The following ZNF768 variants were observed in gnomAD, a reference collection of about 807,000 sequenced individuals.
ZNF768 encodes zinc finger protein 768.
ZNF768 carries 12 observed loss-of-function variants against 39.7 expected under a neutral mutation model. The ratio of observed to expected loss-of-function variants is 0.30; its 90% CI spans 0.19 to 0.49. The LOEUF (loss-of-function observed/expected upper bound fraction) is 0.49. Ranked by LOEUF, ZNF768 falls within the 20% of genes least tolerant of loss-of-function variation. The pLI, the probability that ZNF768 is intolerant of heterozygous loss-of-function variation, is 0.99. For missense variants in ZNF768, 613 were observed against 723.2 expected (o/e 0.85, Z 1.75); for synonymous variants, 360 against 288.4 (o/e 1.25, Z -2.52).
Position 30,525,853 on chromosome 16 carries a change from G to GGGGGCACAAGCCCAGGGCTTC in ZNF768, c.266_286dup (p.Arg89_Pro95dup), listed in dbSNP as rs762163621. ...GCTTCTGGGTGCAAACTCAGGGCTT[G>GGGGGCACAAGCCCAGGGCTTC]GGGGCACAAGCCCAGGGCTTCGGGA... On this transcript the variant is annotated inframe_insertion, in exon 2 of 2. Transcript: ENST00000380412. 6.6e-7 allele frequency: 1 copy of GGGGGCACAAGCCCAGGGCTTC among 1,525,646 alleles called. No individual in the cohort carries two copies. The highest frequency in any genetic ancestry group is 8.8e-7 in the Non-Finnish European group (1 of 1,141,356). 94.5% of individuals were successfully genotyped at this position (1,525,646 alleles called of 1,614,324 possible).
At position 30,525,482 on chromosome 16, in the gene ZNF768, T is replaced by C. The variant is rs746966256; in HGVS notation, c.658A>G (p.Thr220Ala). 2 of 1,614,130 alleles carry C rather than the reference T, an allele frequency of 1.2e-6. No homozygotes were observed. The highest frequency in any genetic ancestry group is 1.7e-6 in the Non-Finnish European group (2 of 1,180,018). Residue 220 changes from threonine to alanine, a missense_variant, in exon 2 of 2, where the codon ACA becomes GCA. Transcript: ENST00000380412. ...LPIGPPFEMP[T>A]GALLSTPQFE... is the part of the protein sequence containing the mutation. The stretch of plus-strand genomic sequence containing the variant: ...TGCGGTGTAGACAGCAGGGCCCCTG[T>C]GGGCATCTCAAAAGGTGGCCCTATG...
chr16:30,524,889 G>C lies in ZNF768; in HGVS notation c.1251C>G (p.Ile417Met). 1 of 1,612,210 alleles carries C rather than the reference G, an allele frequency of 6.2e-7. No homozygotes were observed. Among genetic ancestry groups the C allele is most frequent in the Non-Finnish European group, 8.5e-7 (1 of 1,179,846 alleles). The stretch of plus-strand genomic sequence containing the variant: ...CCCGGGCGTGGCTGCGGGCATGGGG[G>C]ATAAGGGCCGACCGCTGGGAGAAGC... ...GKSFSQRSAL[I>M]PHARSHAREK... The change falls in exon 2 of 2, where the codon ATC becomes ATG. Residue 417 changes from isoleucine (I) to methionine (M), a missense_variant. Physicochemically the swap from Ile to Met is conservative, Grantham distance 10. Around this residue, in one of 4 missense-constraint regions of ZNF768, gnomAD observed 204 missense variants for 281.7 expected, o/e 0.72. Transcript: ENST00000380412.
rs1460073380 is a variant in ZNF768, at chr16:30,525,330, G to A, written c.810C>T (p.Phe270=). Reference sequence around the variant, plus strand: ...GCTGGATCAGGGTGGAGCCCCGCCCGAAGCTCTTCCCGCAGATGCCACAGA... The same window carrying A: ...GCTGGATCAGGGTGGAGCCCCGCCCAAAGCTCTTCCCGCAGATGCCACAGA... ...PNICGICGKS[F]GRGSTLIQHQ... The change falls in exon 2 of 2, where the codon TTC becomes TTT. Residue 270 remains phenylalanine, a synonymous_variant. Transcript: ENST00000380412. 1.9e-6 allele frequency: 3 copies of A among 1,614,152 alleles called. No homozygotes were observed. The highest frequency in any genetic ancestry group is 1.3e-5 in the African/African-American group (1 of 75,050).
chr16:30,527,585 A>G (rs1275663029), upstream of ZNF768: 1 of 152,664 alleles, frequency 6.6e-6, no homozygotes, highest in Non-Finnish European at 1.5e-5. Context: ...TTCAGGAGGT[A>G]GTGGGAGGGA....
Position 30,525,315 on chromosome 16 carries a change from G to A in ZNF768, c.825C>T (p.Thr275=). ...ICGKSFGRGS[T]LIQHQRIHTG... is the part of the protein sequence containing the mutation. ...TGTGGATGCGCTGGTGCTGGATCAG[G>A]GTGGAGCCCCGCCCGAAGCTCTTCC... Residue 275 remains threonine (T), a synonymous_variant, in exon 2 of 2, where the codon ACC becomes ACT. Coordinates refer to ENST00000380412, the MANE Select transcript of ZNF768 (RefSeq NM_024671.4). 6.2e-7 allele frequency: 1 copy of A among 1,614,206 alleles called. No homozygotes were observed. The highest frequency in any genetic ancestry group is 8.5e-7 in the Non-Finnish European group (1 of 1,180,018).
the ZNF768 span, chr16:30,531,892 A>G: frequency 6.5e-6 from 1 of 154,680 alleles, no homozygotes; most frequent in South Asian, 2.0e-4. Context: ...CACGCCTGTA[A>G]TCCCAGCACT....
chr16:30,526,463 G>A lies in ZNF768; in HGVS notation c.-50C>T. On this transcript the variant is annotated 5_prime_UTR_variant, in exon 1 of 2. Coordinates refer to ENST00000380412, the MANE Select transcript of ZNF768 (RefSeq NM_024671.4). The stretch of plus-strand genomic sequence containing the variant: ...CGGCGGCGATGGCGGCCGATCCCGC[G>A]ACCCGGCCTCGGTTGCCCCGAGCCG... The A allele has an allele frequency of 6.7e-7, 1 of 1,487,726 alleles. No homozygotes were observed. The highest frequency in any genetic ancestry group is 8.9e-7 in the Non-Finnish European group (1 of 1,118,648). The allele number at this position is 1,487,726 out of a possible 1,614,324, so 92.2% of individuals were successfully genotyped here. A position where few individuals can be genotyped will look rare whatever the true frequency, so the allele number is the denominator to read the frequency against.
At position 30,525,129 on chromosome 16, in the gene ZNF768, G is replaced by A. The variant is rs1486799815; in HGVS notation, c.1011C>T (p.Arg337=). ...TGTAGGGCTTCTGGCCAGAGTGAGT[G>A]CGCTGGTGGCGAAGCAGGTAAGAGC... is the stretch of plus-strand genomic sequence containing the variant. ...ADSSYLLRHQ[R]THSGQKPYKC... Residue 337 remains arginine (R), a synonymous_variant, in exon 2 of 2, where the codon CGC becomes CGT. Coordinates refer to ENST00000380412, the MANE Select transcript of ZNF768 (RefSeq NM_024671.4). 1 of 1,613,668 alleles carries A rather than the reference G, an allele frequency of 6.2e-7. No individual in the cohort carries two copies. The highest frequency in any genetic ancestry group is 1.3e-5 in the African/African-American group (1 of 74,872).
chr16:30,527,653 A>C (rs546528866), upstream of ZNF768: 1 of 152,240 alleles, frequency 6.6e-6, no homozygotes, highest in East Asian at 1.9e-4. Context: ...TCCCGCCCCC[A>C]CTTAGCCTCC....
Position 30,524,417 on chromosome 16 carries a change from C to T in ZNF768, c.*100G>A. 1.3e-6 allele frequency: 2 copies of T among 1,484,488 alleles called. No homozygotes were observed. Among genetic ancestry groups the T allele is most frequent in the South Asian group, 1.4e-5 (1 of 73,290 alleles). 92.0% of individuals were successfully genotyped at this position (1,484,488 alleles called of 1,614,324 possible). A position where few individuals can be genotyped will look rare whatever the true frequency, so the allele number is the denominator to read the frequency against. On this transcript the variant is annotated 3_prime_UTR_variant, in exon 2 of 2. Coordinates refer to ENST00000380412, the MANE Select transcript of ZNF768 (RefSeq NM_024671.4). ...CTTCTTCCAGCATCCTCAGCTCCTC[C>T]ATTCTCCTGCGGCTTCTCCACTATC...
At position 30,525,009 on chromosome 16, in the gene ZNF768, C is replaced by A; in HGVS notation, c.1131G>T (p.Glu377Asp). The A allele has an allele frequency of 6.2e-7, 1 of 1,614,020 alleles. No homozygotes were observed. Among genetic ancestry groups the A allele is most frequent in the Non-Finnish European group, 8.5e-7 (1 of 1,179,980 alleles). The change falls in exon 2 of 2, where the codon GAG (glutamate) becomes GAT (aspartate). Residue 377 changes from glutamate (E) to aspartate (D), a missense_variant. This residue lies in a region of ZNF768 where 204 missense variants were observed against 281.7 expected (regional missense o/e 0.72). Coordinates refer to ENST00000380412, the MANE Select transcript of ZNF768 (RefSeq NM_024671.4). ...HSHERPYSCTECGKCYSQNSS... is the reference protein window; with the variant it reads ...HSHERPYSCTDCGKCYSQNSS... ...AGTTCTGGCTATAGCACTTGCCGCACTCGGTGCAGCTGTAGGGCCGCTCGT... is the reference window on the plus strand; with the variant it reads ...AGTTCTGGCTATAGCACTTGCCGCAATCGGTGCAGCTGTAGGGCCGCTCGT...
At chr16:30,530,486 G>A (rs1716838344), upstream of ZNF768, 1 of 152,246 alleles carries the variant, frequency 6.6e-6, no homozygotes, top group Non-Finnish European at 1.5e-5. The surrounding 1 kb of genome is among the most constrained non-coding windows in gnomAD (Gnocchi z 4.4). Context: ...TTGAGGGTTA[G>A]GGGAGGGGAC....
upstream of ZNF768, chr16:30,526,706 G>GCGGCCCC (rs2051330445): frequency 5.4e-6 from 5 of 918,124 alleles, no homozygotes; most frequent in East Asian, 4.7e-4. Flanking sequence ...GACTACCCCG[G>GCGGCCCC]CGGCCCCCGG....
rs767717761 is a variant in ZNF768, at chr16:30,526,448, G to A, written c.-35C>T. The A allele has an allele frequency of 2.0e-6, 3 of 1,519,554 alleles. No individual in the cohort carries two copies. Among genetic ancestry groups the A allele is most frequent in the Non-Finnish European group, 2.6e-6 (3 of 1,134,858 alleles). The allele number at this position is 1,519,554 out of a possible 1,614,324, so 94.1% of individuals were successfully genotyped here. ...CTCCCAGTGCAGCGGCGGCGGCGAT[G>A]GCGGCCGATCCCGCGACCCGGCCTC... On this transcript the variant is annotated 5_prime_UTR_variant, in exon 1 of 2. Transcript: ENST00000380412.
Position 30,525,041 on chromosome 16 carries a change from G to C in ZNF768, c.1099C>G (p.His367Asp), listed in dbSNP as rs1333480107. The C allele has an allele frequency of 6.2e-7, 1 of 1,614,194 alleles. No homozygotes were observed. The highest frequency in any genetic ancestry group is 1.3e-5 in the African/African-American group (1 of 75,072). Residue 367 changes from histidine to aspartate, a missense_variant, in exon 2 of 2, where the codon CAC becomes GAC. Transcript: ENST00000380412. ...SSYLLRHQRTHSHERPYSCTE... is the reference protein window; with the variant it reads ...SSYLLRHQRTDSHERPYSCTE... ...CAGCTGTAGGGCCGCTCGTGGCTGT[G>C]GGTGCGCTGGTGTCGCAGGAGGTAG...
Position 30,525,386 on chromosome 16 carries a change from C to A in ZNF768, c.754G>T (p.Ala252Ser). The change falls in exon 2 of 2, where the codon GCC becomes TCC. Residue 252 changes from alanine (A) to serine (S), a missense_variant. This residue lies in a region of ZNF768 where 347 missense variants were observed against 326.1 expected (regional missense o/e 1.06). Coordinates refer to ENST00000380412, the MANE Select transcript of ZNF768 (RefSeq NM_024671.4). ...GGCCGAGGGCCCTGCCCACCCCTGG[C>A]CCGGCCACCCCGCCGACCTGGACCT... Reference protein sequence around the residue: ...LRGPGRRGGRARGGQGPRPNI... With the variant: ...LRGPGRRGGRSRGGQGPRPNI... 3 of 1,614,006 alleles carry A rather than the reference C, an allele frequency of 1.9e-6. No individual in the cohort carries two copies. The highest frequency in any genetic ancestry group is 2.5e-6 in the Non-Finnish European group (3 of 1,179,930).
chr16:30,530,558 T>A (rs1186257460), upstream of ZNF768: 1 of 152,244 alleles, frequency 6.6e-6, no homozygotes. This position sits in a 1 kb window ranked among gnomAD's most constrained non-coding sequence, Gnocchi z 4.4. Context: ...AAGGTTCCTC[T>A]TCTCACCCCA....
At position 30,525,465 on chromosome 16, in the gene ZNF768, A is replaced by G; in HGVS notation, c.675T>C (p.Ser225=). 1.2e-6 allele frequency: 2 copies of G among 1,614,122 alleles called. No individual in the cohort carries two copies. Among genetic ancestry groups the G allele is most frequent in the Non-Finnish European group, 1.7e-6 (2 of 1,180,036 alleles). The part of the protein sequence containing the change: ...PFEMPTGALL[S]TPQFEMLQNP... ...TCTGAAGCATCTCAAACTGCGGTGTAGACAGCAGGGCCCCTGTGGGCATCT... is the reference window on the plus strand; with the variant it reads ...TCTGAAGCATCTCAAACTGCGGTGTGGACAGCAGGGCCCCTGTGGGCATCT... Residue 225 remains serine (S), a synonymous_variant, in exon 2 of 2, where the codon TCT becomes TCC. Coordinates refer to ENST00000380412, the MANE Select transcript of ZNF768 (RefSeq NM_024671.4).
chr16:30,525,389 G>A lies in ZNF768; in HGVS notation c.751C>T (p.Arg251Trp), dbSNP rs1215173748. The change falls in exon 2 of 2, where the codon CGG becomes TGG. Residue 251 changes from arginine (R) to tryptophan (W), a missense_variant. By Grantham distance (101) the Arg-to-Trp change is moderately radical (BLOSUM62 -3). Coordinates refer to ENST00000380412, the MANE Select transcript of ZNF768 (RefSeq NM_024671.4). ...CGAGGGCCCTGCCCACCCCTGGCCC[G>A]GCCACCCCGCCGACCTGGACCTCGA... The part of the protein sequence containing the change: ...ALRGPGRRGG[R>W]ARGGQGPRPN... 9 of 1,614,096 alleles carry A rather than the reference G, an allele frequency of 5.6e-6. No individual in the cohort carries two copies. Among genetic ancestry groups the A allele is most frequent in the Non-Finnish European group, 7.6e-6 (9 of 1,179,994 alleles).
Sources: allele counts gnomAD v4.1 joint callset, GRCh38; gene constraint gnomAD v4.1.1; regional missense constraint gnomAD v4.1.1; non-coding constraint Gnocchi (gnomAD v3.1); transcripts MANE v1.5; gene names NCBI Gene and HGNC (gene_info 2026-07-23, HGNC 2026-07-21).